The following ARSB variants were observed in gnomAD, a reference collection of about 807,000 sequenced individuals.
ARSB encodes N-acetylgalactosamine-4-sulfatase.
A neutral mutation model predicts 50.9 loss-of-function variants in ARSB; 41 were observed. That is an observed-to-expected ratio of 0.81 (90% CI 0.63 to 1.04). The LOEUF (loss-of-function observed/expected upper bound fraction) is 1.04, where lower values mean the gene tolerates loss of function less well. Among genes scored for constraint, ARSB ranks in the 50% least tolerant of loss-of-function variants. The pLI is 0.00. For synonymous variants in ARSB, 269 were observed against 284.8 expected (o/e 0.94, Z 0.56); for missense variants, 672 against 693.3 (o/e 0.97, Z 0.35).
intron 5 of ARSB, among the ~76,000 whole-genome samples, chr5:78,853,096 G>T (rs1194814795): frequency 2.0e-5 from 3 of 152,208 alleles, no homozygotes; most frequent in Non-Finnish European, 4.4e-5. Context: ...TCCGTTGCTG[G>T]TGTGGAACTG....
intron 6 of ARSB, among the ~76,000 whole-genome samples, chr5:78,803,679 G>A (rs867412779): frequency 6.6e-6 from 1 of 152,230 alleles, no homozygotes; most frequent in Non-Finnish European, 1.5e-5. Flanking sequence ...CCCTGCTCAG[G>A]CTGCTTTCCT....
intron 4 of ARSB, among the ~76,000 whole-genome samples, chr5:78,926,843 C>A (rs1750076277): frequency 6.6e-6 from 1 of 152,212 alleles, no homozygotes; most frequent in South Asian, 2.1e-4. Flanking sequence ...AATTTAAAAT[C>A]TTCTAGTGGC....
At chr5:78,962,524 ATT>A (rs10683109) in intron 3 of ARSB, among the ~76,000 whole-genome samples, 25 of 106,196 alleles carry the variant, frequency 2.4e-4, no homozygotes, top group Admixed American at 4.4e-4. Context: ...CATGTGCTCG[ATT>A]TTTTTTTTTT....
At chr5:78,984,412 T>A (rs1414595777) in intron 1 of ARSB, among the ~76,000 whole-genome samples, 1 of 152,102 alleles carries the variant, frequency 6.6e-6, no homozygotes, top group Non-Finnish European at 1.5e-5. Context: ...CTAAGAAAAA[T>A]CAACCTAGCA....
At chr5:78,905,130 T>C (rs1461407118) in intron 4 of ARSB, among the ~76,000 whole-genome samples, 2 of 152,222 alleles carry the variant, frequency 1.3e-5, no homozygotes, top group Non-Finnish European at 2.9e-5. Context: ...TTTGTTTTGT[T>C]TGTTCATTTG....
Position 78,780,422 on chromosome 5 carries a change from G to A in ARSB, c.1577C>T (p.Thr526Ile). Residue 526 changes from threonine (T) to isoleucine (I), a missense_variant, in exon 8 of 8, where the codon ACT becomes ATT. Physicochemically the swap from Thr to Ile is moderately conservative, Grantham distance 89. Coordinates refer to ENST00000264914, the MANE Select transcript of ARSB (RefSeq NM_000046.5). Reference protein sequence around the residue: ...AQDPRCDPKATGVWGPWM With the variant: ...AQDPRCDPKAIGVWGPWM ...CTACATCCAAGGGCCCCACACCCCA[G>A]TGGCCTTGGGATCACAGCGGGGGTC... The A allele has an allele frequency of 6.2e-7, 1 of 1,614,156 alleles. No homozygotes were observed. Among genetic ancestry groups the A allele is most frequent in the Middle Eastern group, 1.7e-4 (1 of 6,056 alleles).
rs539740688 is a variant in ARSB, at chr5:78,873,543, TG to T, written c.1142+12040del. Among the ~76,000 whole-genome samples the T allele has an allele frequency of 4.2e-3, 547 of 129,132 alleles. 5 individuals carry two copies. Among genetic ancestry groups the T allele is most frequent in the Middle Eastern group, 0.021 (5 of 236 alleles). The allele number at this position is 129,132 out of a possible 152,430, so 84.7% of individuals were successfully genotyped here. On this transcript the variant is annotated intron_variant, in intron 5 of 7. Transcript: ENST00000264914. ...CGGAGTCTCGCTCTGTCGCCCAGGC[TG>T]GAGTGCAGTGGCGGGATCTCGGCTC...
intron 5 of ARSB, among the ~76,000 whole-genome samples, chr5:78,851,078 T>C (rs1455196808): frequency 6.6e-6 from 1 of 152,250 alleles, no homozygotes; most frequent in East Asian, 1.9e-4. Flanking sequence ...GCTCTGATCT[T>C]AGTTATTTCT....
chr5:78,922,264 A>G (rs1749853850), intron 4 of ARSB, among the ~76,000 whole-genome samples: 1 of 151,970 alleles, frequency 6.6e-6, no homozygotes, highest in South Asian at 2.1e-4. Context: ...AAGGGAGTGC[A>G]GCTCGCAGCC....
rs550086186 is a variant in ARSB at position 78,985,127 on chromosome 5, GCCCCGGCGC to G, written c.113_121del (p.Gly38_Gly40del). On this transcript the variant is annotated inframe_deletion, in exon 1 of 8. Transcript: ENST00000264914. ...GAAGACCAGGTGGGGCGGCCGGCTG[GCCCCGGCGC>G]CCGAGCCCGGCGGCGCCAACAACAG... is the stretch of plus-strand genomic sequence containing the variant. The G allele has an allele frequency of 7.3e-4, 1,084 of 1,478,334 alleles. 19 individuals are homozygous for G. The South Asian group carries it at 0.013, about 17-fold the overall frequency. The allele number at this position is 1,478,334 out of a possible 1,614,324, so 91.6% of individuals were successfully genotyped here. A position where few individuals can be genotyped will look rare whatever the true frequency, so the allele number is the denominator to read the frequency against.
intron 4 of ARSB, among the ~76,000 whole-genome samples, chr5:78,952,084 T>C (rs1751514573): frequency 6.6e-6 from 1 of 152,220 alleles, no homozygotes. Context: ...TCTATTAATA[T>C]AGTATCAAAA....
chr5:78,900,061 G>A (rs548423525), intron 4 of ARSB, among the ~76,000 whole-genome samples: 15 of 152,066 alleles, frequency 9.9e-5, no homozygotes, highest in Non-Finnish European at 2.2e-4. Context: ...AACGGTTGCA[G>A]TGCTGCCTGT....
intron 4 of ARSB, among the ~76,000 whole-genome samples, chr5:78,897,975 A>G (rs1008757189): frequency 3.3e-5 from 5 of 151,512 alleles, no homozygotes; most frequent in African/African-American, 1.2e-4. Context: ...GTAATTAAAA[A>G]CCTCCCCACA....
In ARSB at chr5:78,968,888, C is replaced by T. The variant is rs376675356; in HGVS notation, c.499+118G>A. On this transcript the variant is annotated intron_variant, in intron 2 of 7. Coordinates refer to ENST00000264914, the MANE Select transcript of ARSB (RefSeq NM_000046.5). Reference sequence around the variant, plus strand: ...TTAGAAAGCAGCCCCATTACAGTGCCGACTGATTCACTCTGTGTTCAAATA... The same window carrying T: ...TTAGAAAGCAGCCCCATTACAGTGCTGACTGATTCACTCTGTGTTCAAATA... 122 of 1,201,270 alleles carry T rather than the reference C, an allele frequency of 1.0e-4. 1 individual carries two copies. The African/African-American group carries it at 1.5e-3, about 15-fold the overall frequency. The allele number at this position is 1,201,270 out of a possible 1,614,324, so 74.4% of individuals were successfully genotyped here. A position where few individuals can be genotyped will look rare whatever the true frequency, so the allele number is the denominator to read the frequency against.
intron 4 of ARSB, among the ~76,000 whole-genome samples, chr5:78,946,026 A>G (rs776059939): frequency 5.3e-5 from 8 of 152,222 alleles, no homozygotes; most frequent in Non-Finnish European, 8.8e-5. Flanking sequence ...CTAAGGGAGC[A>G]ATATGTCCCA....
intron 6 of ARSB, among the ~76,000 whole-genome samples, chr5:78,806,661 AC>A (rs1743578708): frequency 6.6e-6 from 1 of 152,222 alleles, no homozygotes. Flanking sequence ...TGACCTGATG[AC>A]ATTCTGGCCT....
At chr5:78,790,986 C>T (rs1256415882) in intron 6 of ARSB, among the ~76,000 whole-genome samples, 4 of 152,270 alleles carry the variant, frequency 2.6e-5, no homozygotes, top group African/African-American at 9.6e-5. Flanking sequence ...CTTTTCTGTC[C>T]GGTTTGTTTG....
At chr5:78,799,976 C>G (rs1743321953) in intron 6 of ARSB, among the ~76,000 whole-genome samples, 1 of 152,186 alleles carries the variant, frequency 6.6e-6, no homozygotes, top group South Asian at 2.1e-4. Flanking sequence ...TATTTGTAAG[C>G]AAACAATCTG....
At chr5:78,884,902 C>A (rs1247760933) in intron 5 of ARSB, 1 of 152,236 alleles carries the variant, frequency 6.6e-6, no homozygotes, top group Non-Finnish European at 1.5e-5. Context: ...AAGACCATCA[C>A]GATTTCCAAA....
Sources: allele counts gnomAD v4.1 joint callset (sites outside exome capture counted in the v4.1 genomes callset), GRCh38; gene constraint gnomAD v4.1.1; transcripts MANE v1.5; gene names NCBI Gene and HGNC (gene_info 2026-07-23, HGNC 2026-07-21).